The following STAT5B variants were observed in gnomAD, a reference collection of about 807,000 sequenced individuals.
STAT5B encodes the protein signal transducer and activator of transcription 5B.
A neutral mutation model predicts 107.8 loss-of-function variants in STAT5B; 21 were observed. The ratio of observed to expected loss-of-function variants is 0.19; its 90% confidence interval spans 0.14 to 0.28. The LOEUF is 0.28. STAT5B is among the 10% of genes least tolerant of loss of function. The pLI, the probability that STAT5B is intolerant of heterozygous loss-of-function variation, is 1.00. For synonymous variants in STAT5B, 325 were observed against 401.7 expected, an observed-to-expected ratio of 0.81 and a Z score of 2.28; for missense variants, 565 against 1,008.2, an observed-to-expected ratio of 0.56 and a Z score of 5.95.
intron 9 of STAT5B, 96 bp from the exon 10 acceptor site, chr17:42,217,560 T>C: frequency 1.4e-6 from 2 of 1,396,588 alleles, no homozygotes; most frequent in South Asian, 2.4e-5. Flanking sequence ...AATAGAGAAG[T>C]TTGCTAAAAA....
chr17:42,279,262 T>C (rs2080785364), upstream of STAT5B, among the ~76,000 whole-genome samples: 1 of 152,108 alleles, frequency 6.6e-6, no homozygotes, highest in Non-Finnish European at 1.5e-5. Context: ...CTTGAGTGTG[T>C]TTTCCTCTAT....
In STAT5B at chr17:42,218,219, G is replaced by T. The variant is rs61749920; in HGVS notation, c.1101C>A (p.Pro367=). Residue 367 remains proline (P), a synonymous_variant, in exon 9 of 19, where the codon CCC becomes CCA. Transcript: ENST00000293328. ...GGKLNVHMNP[P]QVKATIISEQ... is the part of the protein sequence containing the mutation. ...CACTGATGATGGTGGCCTTCACCTG[G>T]GGGGGGTTCATGTGCACGTTCAGCT... The T allele has an allele frequency of 0.025, 39,726 of 1,614,132 alleles. 667 individuals are homozygous for T. The highest frequency in any genetic ancestry group is 0.057 in the Middle Eastern group (346 of 6,062).
At chr17:42,255,917 A>T (rs2080540089) in intron 1 of STAT5B, among the ~76,000 whole-genome samples, 1 of 152,100 alleles carries the variant, frequency 6.6e-6, no homozygotes, top group Non-Finnish European at 1.5e-5. Flanking sequence ...GTGAAACCCC[A>T]CCTCTACTAA....
At chr17:42,262,848 G>A (rs141180034) in intron 1 of STAT5B, among the ~76,000 whole-genome samples, 138 of 81,638 alleles carry the variant, frequency 1.7e-3, no homozygotes, top group Middle Eastern at 0.012. Flanking sequence ...ACATATATAT[G>A]TATATACACA....
chr17:42,219,766 C>T lies in STAT5B; in HGVS notation c.627G>A (p.Val209=). 6.2e-7 allele frequency: 1 copy of T among 1,612,398 alleles called. No individual in the cohort carries two copies. Among genetic ancestry groups the T allele is most frequent in the Non-Finnish European group, 8.5e-7 (1 of 1,179,436 alleles). The part of the protein sequence containing the change: ...SRETALQQKQ[V]SLEAWLQREA... ...CACGCTGCAACCAGGCCTCCAGAGACACCTGCTTCTGCTGGAGGGCCGTCT... is the reference window on the plus strand; with the variant it reads ...CACGCTGCAACCAGGCCTCCAGAGATACCTGCTTCTGCTGGAGGGCCGTCT... The change falls in exon 6 of 19, where the codon GTG becomes GTA. Residue 209 remains valine, a synonymous_variant. Transcript: ENST00000293328.
rs77100248 is a variant in STAT5B, at chr17:42,222,872, C to T, written c.550+510G>A. Among the ~76,000 whole-genome samples, 1,675 of 151,400 alleles carry T rather than the reference C, an allele frequency of 0.011. 132 individuals carry two copies. In the East Asian group the frequency reaches 0.21, roughly 19 times the overall value. ...GCTAATTTTGTATTTTTAGTAGAGACGGGGTTTCACCATGTTGGCCAGGCT... is the reference window on the plus strand; with the variant it reads ...GCTAATTTTGTATTTTTAGTAGAGATGGGGTTTCACCATGTTGGCCAGGCT... On this transcript the variant is annotated intron_variant, in intron 5 of 18. Transcript: ENST00000293328.
intron 16 of STAT5B, among the ~76,000 whole-genome samples, chr17:42,206,022 G>A (rs2080082446): frequency 6.6e-6 from 1 of 152,014 alleles, no homozygotes; most frequent in Admixed American, 6.6e-5. Context: ...CCTCTACCTT[G>A]CTTTATTTGT....
intron 1 of STAT5B, among the ~76,000 whole-genome samples, chr17:42,264,701 A>C (rs2144408661): frequency 6.7e-6 from 1 of 149,966 alleles, no homozygotes; most frequent in South Asian, 2.1e-4. Flanking sequence ...AGCATGATTT[A>C]TAGTCCTTTG....
Position 42,199,565 on chromosome 17 carries a change from G to A in STAT5B, c.*2173C>T, listed in dbSNP as rs1020267041. The A allele has an allele frequency of 1.3e-5, 2 of 152,206 alleles. No homozygotes were observed. The highest frequency in any genetic ancestry group is 4.8e-5 in the African/African-American group (2 of 41,380). The allele number at this position is 152,206 out of a possible 1,614,324, so 9.4% of individuals were successfully genotyped here. A position where few individuals can be genotyped will look rare whatever the true frequency, so the allele number is the denominator to read the frequency against. On this transcript the variant is annotated 3_prime_UTR_variant, in exon 19 of 19. Coordinates refer to ENST00000293328, the MANE Select transcript of STAT5B (RefSeq NM_012448.4). Reference sequence around the variant, plus strand: ...ACTACCTTTATCTTGTGGTTTGCAGGAACAAGGAGGAGAGAGAAGATAGAA... The same window carrying A: ...ACTACCTTTATCTTGTGGTTTGCAGAAACAAGGAGGAGAGAGAAGATAGAA...
intron 1 of STAT5B, among the ~76,000 whole-genome samples, chr17:42,243,427 G>T (rs2080422394): frequency 6.6e-6 from 1 of 152,130 alleles, no homozygotes; most frequent in African/African-American, 2.4e-5. Flanking sequence ...CTTTATCACT[G>T]CTAAATTTCT....
In STAT5B at chr17:42,200,417, T is replaced by G. The variant is rs1226878522; in HGVS notation, c.*1321A>C. The G allele has an allele frequency of 6.6e-6, 1 of 152,604 alleles. No individual in the cohort carries two copies. Among genetic ancestry groups the G allele is most frequent in the East Asian group, 1.9e-4 (1 of 5,340 alleles). 9.5% of individuals were successfully genotyped at this position (152,604 alleles called of 1,614,324 possible). ...TGTAGCCCATTCCTTCCTTCTGGTG[T>G]AAAGCTACAGAAGAAGTCGTGGAAC... On this transcript the variant is annotated 3_prime_UTR_variant, in exon 19 of 19. Coordinates refer to ENST00000293328, the MANE Select transcript of STAT5B (RefSeq NM_012448.4).
intron 11 of STAT5B, among the ~76,000 whole-genome samples, chr17:42,216,805 G>A (rs184232178): frequency 3.3e-5 from 5 of 151,770 alleles, no homozygotes; most frequent in Admixed American, 2.6e-4. Context: ...ATTCTCCTGA[G>A]TAGCTGGGAT....
intron 1 of STAT5B, among the ~76,000 whole-genome samples, chr17:42,262,970 G>GTGTATATATA (rs2080626695): frequency 2.4e-4 from 5 of 20,944 alleles, no homozygotes; most frequent in East Asian, 1.5e-3. Context: ...GTGTGTGTGT[G>GTGTATATATA]TATATATATA....
chr17:42,218,375 G>C, intron 8 of STAT5B, 45 bp from the exon 9 acceptor site: 1 of 1,599,310 alleles, frequency 6.3e-7, no homozygotes, highest in Non-Finnish European at 8.5e-7. Context: ...GGCTGGTGCA[G>C]GGGAAAGGGC....
chr17:42,283,195 C>T, the STAT5B span, among the ~76,000 whole-genome samples: 1 of 152,126 alleles, frequency 6.6e-6, no homozygotes, highest in Admixed American at 6.5e-5. Flanking sequence ...ACTAGCTCAG[C>T]GGGAAGAGCG....
At chr17:42,232,528 C>T (rs1213685051) in intron 1 of STAT5B, among the ~76,000 whole-genome samples, 8 of 152,116 alleles carry the variant, frequency 5.3e-5, no homozygotes, top group Non-Finnish European at 1.5e-5. Context: ...GGATTACAGG[C>T]GTGAGCCACC....
chr17:42,249,028 A>C (rs559757528), intron 1 of STAT5B, among the ~76,000 whole-genome samples: 19 of 152,364 alleles, frequency 1.2e-4, no homozygotes, highest in African/African-American at 4.1e-4. Flanking sequence ...AGGTGAGATT[A>C]AACATGAAGA....
At chr17:42,276,870 A>G (rs1006888259), upstream of STAT5B, among the ~76,000 whole-genome samples, 2 of 152,186 alleles carry the variant, frequency 1.3e-5, no homozygotes, top group African/African-American at 4.8e-5. This position sits in a 1 kb window ranked among gnomAD's most constrained non-coding sequence, Gnocchi z 4.8. Flanking sequence ...GCCCCGATCA[A>G]TAATTATCCT....
intron 1 of STAT5B, among the ~76,000 whole-genome samples, chr17:42,258,300 G>T (rs1407653830): frequency 6.6e-6 from 1 of 152,174 alleles, no homozygotes; most frequent in Admixed American, 6.5e-5. Flanking sequence ...AACTAATTTG[G>T]CTTAGATGTC....
Sources: gnomAD v4.1 joint callset for allele counts (sites outside exome capture counted in the v4.1 genomes callset) on GRCh38, gnomAD v4.1.1 for gene constraint, Gnocchi (gnomAD v3.1) non-coding constraint, MANE v1.5 for transcripts, NCBI Gene and HGNC (gene_info 2026-07-23, HGNC 2026-07-21) for gene names.